Variants in PIP4K2A observed in about 807,000 individuals in gnomAD.
PIP4K2A encodes phosphatidylinositol 5-phosphate 4-kinase type-2 alpha.
PIP4K2A carries 14 observed loss-of-function variants against 42.9 expected under a neutral mutation model. The observed-to-expected ratio is 0.33, with a 90% CI of 0.22 to 0.51. The LOEUF (loss-of-function observed/expected upper bound fraction) is 0.51, where lower values mean the gene tolerates loss of function less well. PIP4K2A is among the 20% of genes least tolerant of loss of function. The probability of loss-of-function intolerance (pLI) is 0.97; values close to 1 mark genes in which losing one functional copy is unlikely to be tolerated. For missense variants in PIP4K2A, 434 were observed against 519.8 expected, an observed-to-expected ratio of 0.83 and a Z score of 1.61; for synonymous variants, 192 against 192.2, an observed-to-expected ratio of 1.00 and a Z score of 0.01.
At position 22,657,231 on chromosome 10, in the gene PIP4K2A, T is replaced by C. The variant is rs373897608; in HGVS notation, c.145-47514A>G. Among the ~76,000 whole-genome samples, 12 of 152,338 alleles carry C rather than the reference T, an allele frequency of 7.9e-5. No individual in the cohort carries two copies. The East Asian group carries it at 1.3e-3, about 17-fold the overall frequency. On this transcript the variant is annotated intron_variant, in intron 1 of 9. Transcript: ENST00000376573. ...GCCCCAGACAGCTGGTGGAGATAAC[T>C]CTGTTGGCAACGCAGTACTTTTTCC... is the stretch of plus-strand genomic sequence containing the variant.
At chr10:22,683,062 A>AAAC (rs59679229) in intron 1 of PIP4K2A, among the ~76,000 whole-genome samples, 2,888 of 123,514 alleles carry the variant, frequency 0.023, 43 homozygotes, top group Middle Eastern at 0.083. Context: ...AGAAAAAGAA[A>AAAC]AACAACAACA....
intron 3 of PIP4K2A, among the ~76,000 whole-genome samples, chr10:22,605,701 C>T (rs1230081310): frequency 6.6e-6 from 1 of 151,908 alleles, no homozygotes; most frequent in Non-Finnish European, 1.5e-5. Flanking sequence ...CTGTGAAATG[C>T]CAGTGGAATT....
intron 1 of PIP4K2A, among the ~76,000 whole-genome samples, chr10:22,673,446 C>T (rs754552624): frequency 8.5e-5 from 13 of 152,110 alleles, no homozygotes; most frequent in African/African-American, 1.2e-4. Flanking sequence ...GGTGCTCTGG[C>T]CCTGGCCCGG....
intron 1 of PIP4K2A, among the ~76,000 whole-genome samples, chr10:22,638,111 C>A (rs1289446134): frequency 6.6e-6 from 1 of 152,174 alleles, no homozygotes; most frequent in East Asian, 1.9e-4. Context: ...CCCAATGGGG[C>A]TCCAGGAAGG....
intron 1 of PIP4K2A, among the ~76,000 whole-genome samples, chr10:22,686,065 TC>T (rs1564467304): frequency 6.6e-6 from 1 of 152,212 alleles, no homozygotes; most frequent in Non-Finnish European, 1.5e-5. Context: ...GCTGCAAACT[TC>T]CGACAGTGCC....
intron 5 of PIP4K2A, among the ~76,000 whole-genome samples, chr10:22,570,527 A>AGACAG: frequency 6.6e-6 from 1 of 152,190 alleles, no homozygotes; most frequent in Non-Finnish European, 1.5e-5. Context: ...GAAGACTTTA[A>AGACAG]GACAGGACAG....
intron 1 of PIP4K2A, among the ~76,000 whole-genome samples, chr10:22,631,880 G>A (rs1838556833): frequency 6.6e-6 from 1 of 152,196 alleles, no homozygotes; most frequent in African/African-American, 2.4e-5. Flanking sequence ...ACTTAACAGT[G>A]GAGAGAGCTG....
chr10:22,570,824 G>C (rs1436543072), intron 5 of PIP4K2A, among the ~76,000 whole-genome samples: 1 of 151,316 alleles, frequency 6.6e-6, no homozygotes, highest in Non-Finnish European at 1.5e-5. Flanking sequence ...GTGGGTATTA[G>C]TAGTGTTTGT....
intron 4 of PIP4K2A, among the ~76,000 whole-genome samples, chr10:22,579,523 C>T (rs776110127): frequency 9.2e-5 from 14 of 152,194 alleles, no homozygotes; most frequent in Non-Finnish European, 1.9e-4. Flanking sequence ...TCCCTATCCT[C>T]ACCCTTGGAG....
At position 22,554,672 on chromosome 10, in the gene PIP4K2A, T is replaced by C. The variant is rs931496387; in HGVS notation, c.679-3900A>G. ...CTGAAGTGGCGGCGGGCCGAGTCTT[T>C]ATTTGCGCTGAATTCAGCTCTGGCC... is the stretch of plus-strand genomic sequence containing the variant. On this transcript the variant is annotated intron_variant, in intron 6 of 9. Transcript: ENST00000376573. Among the ~76,000 whole-genome samples the C allele has an allele frequency of 1.6e-4, 25 of 152,338 alleles. No individual in the cohort carries two copies. The Middle Eastern group carries it at 0.01, about 62-fold the overall frequency.
chr10:22,580,345 A>C (rs1054536408), intron 4 of PIP4K2A, among the ~76,000 whole-genome samples: 1 of 152,012 alleles, frequency 6.6e-6, no homozygotes, highest in Non-Finnish European at 1.5e-5. Context: ...TTGTAAGCGA[A>C]TGCTTCAAAA....
At chr10:22,593,076 C>T (rs964907613) in intron 3 of PIP4K2A, among the ~76,000 whole-genome samples, 3 of 152,200 alleles carry the variant, frequency 2.0e-5, no homozygotes, top group East Asian at 1.9e-4. Context: ...ATGAAATCAA[C>T]AGGACTGAAC....
chr10:22,628,697 A>G (rs1188997671), intron 1 of PIP4K2A, among the ~76,000 whole-genome samples: 3 of 152,196 alleles, frequency 2.0e-5, no homozygotes, highest in African/African-American at 7.2e-5. Flanking sequence ...GTAGATTGAA[A>G]AATTTTCTGA....
At chr10:22,599,839 A>C (rs1019416204) in intron 3 of PIP4K2A, among the ~76,000 whole-genome samples, 3 of 152,200 alleles carry the variant, frequency 2.0e-5, no homozygotes, top group African/African-American at 7.2e-5. Flanking sequence ...ACAGCAAATA[A>C]AGGAAGGCAA....
intron 4 of PIP4K2A, among the ~76,000 whole-genome samples, chr10:22,579,381 T>C (rs1279663304): frequency 1.3e-5 from 2 of 152,352 alleles, no homozygotes; most frequent in Non-Finnish European, 2.9e-5. Flanking sequence ...CGATGATTTA[T>C]ACAGAATTCA....
intron 1 of PIP4K2A, among the ~76,000 whole-genome samples, chr10:22,705,873 G>A (rs1412248548): frequency 1.3e-5 from 2 of 151,752 alleles, no homozygotes; most frequent in Non-Finnish European, 2.9e-5. Flanking sequence ...CCCAAGACTG[G>A]GTAATTTATA....
At chr10:22,684,079 C>G (rs1043002738) in intron 1 of PIP4K2A, among the ~76,000 whole-genome samples, 1 of 152,064 alleles carries the variant, frequency 6.6e-6, no homozygotes, top group Non-Finnish European at 1.5e-5. Context: ...TTTTCCCCCC[C>G]TTAAATGCAT....
intron 4 of PIP4K2A, among the ~76,000 whole-genome samples, chr10:22,584,091 T>G (rs1425577497): frequency 2.0e-5 from 3 of 152,214 alleles, no homozygotes; most frequent in African/African-American, 7.2e-5. Flanking sequence ...GTTGGGCAAG[T>G]CACTGTGTGT....
intron 4 of PIP4K2A, among the ~76,000 whole-genome samples, chr10:22,576,110 C>T (rs958701972): frequency 2.0e-5 from 3 of 152,032 alleles, no homozygotes; most frequent in Admixed American, 6.6e-5. Context: ...CTATTAGATT[C>T]GAGTACTGCC....
Sources: gnomAD v4.1 joint callset for allele counts (sites outside exome capture counted in the v4.1 genomes callset) on GRCh38, gnomAD v4.1.1 for gene constraint, MANE v1.5 for transcripts, NCBI Gene and HGNC (gene_info 2026-07-23, HGNC 2026-07-21) for gene names.